CDK5RAP2: variants seen among roughly 807,000 people sequenced by gnomAD.
The protein encoded by CDK5RAP2 is CDK5 regulatory subunit-associated protein 2.
Under a neutral mutation model 232.9 loss-of-function variants are expected in CDK5RAP2, and 147 were observed. The ratio of observed to expected loss-of-function variants is 0.63; its 90% CI spans 0.55 to 0.72. The LOEUF (loss-of-function observed/expected upper bound fraction) is 0.72, where lower values mean the gene tolerates loss of function less well. Among genes scored for constraint, CDK5RAP2 ranks in the 30% least tolerant of loss-of-function variants. The pLI, the probability that CDK5RAP2 is intolerant of heterozygous loss-of-function variation, is 0.00. For synonymous variants in CDK5RAP2, 833 were observed against 833.7 expected (o/e 1.00, Z 0.01); for missense variants, 2,195 against 2,231.5 (o/e 0.98, Z 0.33).
At chr9:120,509,390 A>G (rs1487441946) in intron 12 of CDK5RAP2, among the ~76,000 whole-genome samples, 1 of 152,232 alleles carries the variant, frequency 6.6e-6, no homozygotes, top group Non-Finnish European at 1.5e-5. Context: ...TACACTGAGC[A>G]TCAACTTCTC....
At chr9:120,441,534 G>A (rs769998814) in intron 23 of CDK5RAP2, among the ~76,000 whole-genome samples, 11 of 152,222 alleles carry the variant, frequency 7.2e-5, no homozygotes, top group Non-Finnish European at 1.0e-4. Flanking sequence ...CACCGGAGGC[G>A]TGCGTGCGAA....
At chr9:120,560,997 G>C (rs187642042) in intron 3 of CDK5RAP2, among the ~76,000 whole-genome samples, 8 of 152,084 alleles carry the variant, frequency 5.3e-5, no homozygotes, top group Non-Finnish European at 1.0e-4. Context: ...AAAAAAAATT[G>C]GCTTCTCAGG....
chr9:120,393,843 CG>C (rs2032218772), intron 36 of CDK5RAP2, among the ~76,000 whole-genome samples: 1 of 152,192 alleles, frequency 6.6e-6, no homozygotes, highest in African/African-American at 2.4e-5. Flanking sequence ...GGATCCCCAG[CG>C]TCCTAGCCAC....
At chr9:120,505,611 CTG>C (rs1266660562) in intron 12 of CDK5RAP2, among the ~76,000 whole-genome samples, 1 of 152,200 alleles carries the variant, frequency 6.6e-6, no homozygotes, top group Non-Finnish European at 1.5e-5. Context: ...GTTAGCCAAA[CTG>C]TGAATGCAAA....
intron 1 of CDK5RAP2, among the ~76,000 whole-genome samples, chr9:120,578,189 CCCGGGAGGCGGA>C (rs1420326669): frequency 6.6e-6 from 1 of 152,184 alleles, no homozygotes; most frequent in African/African-American, 2.4e-5. Context: ...ATTGCTTGAA[CCCGGGAGGCGGA>C]GGTTGAAGTG....
chr9:120,558,936 G>A (rs1247068373), intron 3 of CDK5RAP2, among the ~76,000 whole-genome samples: 1 of 152,108 alleles, frequency 6.6e-6, no homozygotes, highest in African/African-American at 2.4e-5. Flanking sequence ...TTTCATGGCT[G>A]TTTCCTCCAA....
chr9:120,578,297 A>G (rs2043110303), intron 1 of CDK5RAP2, among the ~76,000 whole-genome samples: 2 of 152,174 alleles, frequency 1.3e-5, no homozygotes. Context: ...ATAGTTTTCA[A>G]ATTGTAGTAT....
At chr9:120,393,657 A>C (rs1487676175) in intron 36 of CDK5RAP2, among the ~76,000 whole-genome samples, 2 of 152,314 alleles carry the variant, frequency 1.3e-5, no homozygotes, top group South Asian at 4.1e-4. Flanking sequence ...CTGCTCCTCT[A>C]AATGCAGCGG....
In CDK5RAP2 at chr9:120,511,043, T is replaced by G. The variant is rs142976343; in HGVS notation, c.1311+7384A>C. 9.0e-4 allele frequency among the ~76,000 whole-genome samples: 137 copies of G among 152,304 alleles called. 2 individuals are homozygous for G. The East Asian group carries it at 0.024, about 26-fold the overall frequency. On this transcript the variant is annotated intron_variant, in intron 12 of 37. Transcript: ENST00000349780. ...CACAGGCAATTAAAACAAACAAACA[T>G]GGAGAACTGACTCTCGGGGCTCAAC...
intron 34 of CDK5RAP2, among the ~76,000 whole-genome samples, chr9:120,402,518 G>T (rs1422591459): frequency 6.6e-6 from 1 of 152,230 alleles, no homozygotes; most frequent in Non-Finnish European, 1.5e-5. Flanking sequence ...CCAGGGTGCA[G>T]ATGGAGAGAA....
At chr9:120,527,998 G>A in intron 9 of CDK5RAP2, 73 bp from the exon 10 acceptor site, 2 of 1,559,302 alleles carry the variant, frequency 1.3e-6, no homozygotes, top group Non-Finnish European at 1.8e-6. Context: ...ATATCTTTAA[G>A]AGCACACTCA....
At chr9:120,444,919 T>TAA (rs1371160395) in intron 22 of CDK5RAP2, among the ~76,000 whole-genome samples, 1 of 152,196 alleles carries the variant, frequency 6.6e-6, no homozygotes, top group Admixed American at 6.5e-5. Flanking sequence ...ATCATGTACT[T>TAA]AGAGTGTATA....
chr9:120,525,128 T>C lies in CDK5RAP2; in HGVS notation c.1000-50A>G, dbSNP rs375791472. 3.2e-5 allele frequency: 42 copies of C among 1,330,578 alleles called. No individual in the cohort carries two copies. The African/African-American group carries it at 3.2e-4, about 10-fold the overall frequency. The allele number at this position is 1,330,578 out of a possible 1,614,324, so 82.4% of individuals were successfully genotyped here. ...CCAAGTATGTAACTGGGCTCTCCTC[T>C]CTGCACAGCCCACATGCTTTTCCTG... On this transcript the variant is annotated intron_variant, in intron 10 of 37. Transcript: ENST00000349780.
Position 120,400,833 on chromosome 9 carries a change from T to C in CDK5RAP2, c.5360A>G (p.Lys1787Arg), listed in dbSNP as rs753295890. 5 of 1,614,186 alleles carry C rather than the reference T, an allele frequency of 3.1e-6. No homozygotes were observed. Among genetic ancestry groups the C allele is most frequent in the Middle Eastern group, 1.6e-4 (1 of 6,062 alleles). Residue 1787 changes from lysine (K) to arginine (R), a missense_variant, in exon 35 of 38, where the codon AAG (lysine) becomes AGG (arginine). Transcript: ENST00000349780. ...SKFVSSVSTA[K>R]LTLEEAYRRL... The stretch of plus-strand genomic sequence containing the variant: ...CCTGTAGGCCTCTTCCAGGGTCAGC[T>C]TGGCCGTGCTCACACTGCTCACAAA...
chr9:120,449,530 C>T (rs1189828206), intron 21 of CDK5RAP2, among the ~76,000 whole-genome samples: 2 of 152,182 alleles, frequency 1.3e-5, no homozygotes, highest in African/African-American at 4.8e-5. Context: ...AGGTACTCAA[C>T]AACTATTTGT....
At chr9:120,545,319 T>G (rs2041797127) in intron 5 of CDK5RAP2, among the ~76,000 whole-genome samples, 1 of 152,212 alleles carries the variant, frequency 6.6e-6, no homozygotes, top group African/African-American at 2.4e-5. Context: ...AAAGAGAATC[T>G]ACTATATAAT....
intron 13 of CDK5RAP2, among the ~76,000 whole-genome samples, chr9:120,489,670 T>A (rs754349014): frequency 2.6e-4 from 39 of 152,318 alleles, no homozygotes; most frequent in Non-Finnish European, 4.9e-4. Flanking sequence ...TCCAAATATC[T>A]TTTTTGTCAG....
intron 29 of CDK5RAP2, 99 bp from the exon 30 acceptor site, chr9:120,409,415 A>T (rs756517779): frequency 2.2e-6 from 2 of 897,438 alleles, no homozygotes; most frequent in Non-Finnish European, 3.5e-6. Flanking sequence ...AAAGAATGAG[A>T]TTCGATCTGG....
At chr9:120,394,829 A>G (rs1206032473) in intron 35 of CDK5RAP2, among the ~76,000 whole-genome samples, 191 bp from the exon 36 acceptor site, 2 of 152,190 alleles carry the variant, frequency 1.3e-5, no homozygotes, top group African/African-American at 2.4e-5. Flanking sequence ...GTAAGGGGAA[A>G]GCACCTCGTG....
Sources: allele counts gnomAD v4.1 joint callset (sites outside exome capture counted in the v4.1 genomes callset), GRCh38; gene constraint gnomAD v4.1.1; transcripts MANE v1.5; gene names NCBI Gene and HGNC (gene_info 2026-07-23, HGNC 2026-07-21).